PSMC3IP: variants seen among roughly 807,000 people sequenced by gnomAD.
PSMC3IP encodes the protein homologous-pairing protein 2 homolog.
In PSMC3IP, 26 loss-of-function variants were observed where a neutral mutation model predicts 34.9. The ratio of observed to expected loss-of-function variants is 0.74; its 90% CI spans 0.55 to 1.03. The LOEUF (loss-of-function observed/expected upper bound fraction) is 1.03, where lower values mean the gene tolerates loss of function less well. PSMC3IP is among the 50% of genes least tolerant of loss of function. The pLI is 0.00. For missense variants in PSMC3IP, 250 were observed against 263.1 expected, an observed-to-expected ratio of 0.95 and a Z score of 0.34; for synonymous variants, 87 against 96.5, an observed-to-expected ratio of 0.90 and a Z score of 0.57.
chr17:42,573,837 A>T (rs2093054432), intron 4 of PSMC3IP: 5 of 1,531,784 alleles, frequency 3.3e-6, no homozygotes, highest in Non-Finnish European at 4.4e-6. Flanking sequence ...AGGCGTAGCC[A>T]GTTAAAGAAG....
chr17:42,576,418 G>C (rs889653422), intron 3 of PSMC3IP, among the ~76,000 whole-genome samples: 1 of 152,184 alleles, frequency 6.6e-6, no homozygotes, highest in Non-Finnish European at 1.5e-5. Flanking sequence ...TGTTTGAAGA[G>C]CCAAGATCTG....
In PSMC3IP at chr17:42,574,186, C is replaced by T; in HGVS notation, c.250G>A (p.Ala84Thr). Residue 84 changes from alanine (A) to threonine (T), a missense_variant, in exon 4 of 8, where the codon GCT (alanine) becomes ACT (threonine). Coordinates refer to ENST00000393795, the MANE Select transcript of PSMC3IP (RefSeq NM_016556.4). ...DQDQFDMVSD[A>T]DLQVLDGKIV... The stretch of plus-strand genomic sequence containing the variant: ...TTGCCATCTAGGACTTGAAGGTCAG[C>T]ATCACTCACCATGTCAAACTGGTCC... The T allele has an allele frequency of 6.2e-7, 1 of 1,614,094 alleles. No homozygotes were observed. The highest frequency in any genetic ancestry group is 8.5e-7 in the Non-Finnish European group (1 of 1,180,000).
chr17:42,574,374 T>C, intron 3 of PSMC3IP, 164 bp from the exon 4 acceptor site: 1 of 1,465,096 alleles, frequency 6.8e-7, no homozygotes. Flanking sequence ...GAAATTGTTT[T>C]CAGTTAAGGA....
chr17:42,575,853 CA>C lies in PSMC3IP; in HGVS notation c.225+1359del, dbSNP rs971478774. On this transcript the variant is annotated intron_variant, in intron 3 of 7. Coordinates refer to ENST00000393795, the MANE Select transcript of PSMC3IP (RefSeq NM_016556.4). Reference sequence around the variant, plus strand: ...GAAACCCCATCTCTACTAAAAATACCAAAAAAAAAAAAAAAAAAAAATTAGG... The same window carrying C: ...GAAACCCCATCTCTACTAAAAATACCAAAAAAAAAAAAAAAAAAAATTAGG... Among the ~76,000 whole-genome samples the C allele has an allele frequency of 8.2e-3, 825 of 100,438 alleles. 1 individual carries two copies. The highest frequency in any genetic ancestry group is 0.018 in the Middle Eastern group (3 of 170). 65.9% of individuals were successfully genotyped at this position (100,438 alleles called of 152,430 possible).
chr17:42,577,829 T>C (rs765460330), upstream of PSMC3IP: 19 of 1,015,002 alleles, frequency 1.9e-5, no homozygotes, highest in Admixed American at 3.3e-4. Flanking sequence ...CCTCCCGGAC[T>C]CCATAGTTCA....
At position 42,577,282 on chromosome 17, in the gene PSMC3IP, C is replaced by T. The variant is rs2093081553; in HGVS notation, c.156G>A (p.Glu52=). 3.7e-6 allele frequency: 6 copies of T among 1,613,982 alleles called. 1 individual carries two copies. In the South Asian group the frequency reaches 4.4e-5, roughly 12 times the overall value. Residue 52 remains glutamate, a synonymous_variant, in exon 3 of 8, where the codon GAG becomes GAA. Coordinates refer to ENST00000393795, the MANE Select transcript of PSMC3IP (RefSeq NM_016556.4). ...TGATCTTGCCTTGTTGCGCCAGCTGCTCCAGCGTCTTCACCACCACCTGGC... is the reference window on the plus strand; with the variant it reads ...TGATCTTGCCTTGTTGCGCCAGCTGTTCCAGCGTCTTCACCACCACCTGGC... The part of the protein sequence containing the change: ...LGKAVVVKTL[E]QLAQQGKIKE...
chr17:42,572,715 C>T lies in PSMC3IP; in HGVS notation c.*253G>A, dbSNP rs537081922. ...AATATTGCCAAATGCTTTCCTTTAGCATTGTTCCAAGTCTAAATGTTAACC... is the reference window on the plus strand; with the variant it reads ...AATATTGCCAAATGCTTTCCTTTAGTATTGTTCCAAGTCTAAATGTTAACC... On this transcript the variant is annotated 3_prime_UTR_variant, in exon 8 of 8. Coordinates refer to ENST00000393795, the MANE Select transcript of PSMC3IP (RefSeq NM_016556.4). 1.7e-6 allele frequency: 1 copy of T among 599,264 alleles called. No individual in the cohort carries two copies. The highest frequency in any genetic ancestry group is 3.7e-5 in the East Asian group (1 of 26,910). The allele number at this position is 599,264 out of a possible 1,614,324, so 37.1% of individuals were successfully genotyped here.
In PSMC3IP at chr17:42,572,511, G is replaced by A. The variant is rs904354775; in HGVS notation, c.*457C>T. ...CAAAAGATACTTAAAAGGGCTCCTG[G>A]GGTACACAAGCCCAGCAGGTCCTGA... On this transcript the variant is annotated 3_prime_UTR_variant, in exon 8 of 8. Coordinates refer to ENST00000393795, the MANE Select transcript of PSMC3IP (RefSeq NM_016556.4). 2.2e-6 allele frequency: 1 copy of A among 454,252 alleles called. No individual in the cohort carries two copies. Among genetic ancestry groups the A allele is most frequent in the African/African-American group, 2.0e-5 (1 of 49,900 alleles). 28.1% of individuals were successfully genotyped at this position (454,252 alleles called of 1,614,324 possible). A position where few individuals can be genotyped will look rare whatever the true frequency, so the allele number is the denominator to read the frequency against.
chr17:42,577,130 T>C (rs2093080184), intron 3 of PSMC3IP, 83 bp downstream of exon 3: 1 of 1,601,190 alleles, frequency 6.2e-7, no homozygotes, highest in African/African-American at 1.3e-5. Flanking sequence ...ATGGGGGGCC[T>C]TGTCCCCAAA....
chr17:42,575,321 T>C (rs1041083141), intron 3 of PSMC3IP, among the ~76,000 whole-genome samples: 2 of 152,236 alleles, frequency 1.3e-5, no homozygotes, highest in Non-Finnish European at 2.9e-5. Flanking sequence ...CAAAATTTTA[T>C]TGAAACAGCC....
At chr17:42,576,278 C>CA (rs2093075089) in intron 3 of PSMC3IP, among the ~76,000 whole-genome samples, 1 of 152,068 alleles carries the variant, frequency 6.6e-6, no homozygotes, top group African/African-American at 2.4e-5. Flanking sequence ...CTGGCTGGGG[C>CA]GTCTTCCGGT....
Position 42,572,995 on chromosome 17 carries a change from A to ATCT in PSMC3IP, c.624_626dup (p.Glu208dup). On this transcript the variant is annotated inframe_insertion, in exon 8 of 8. Coordinates refer to ENST00000393795, the MANE Select transcript of PSMC3IP (RefSeq NM_016556.4). ...AGGGGTCTGGGAGTGTGACGTTGTA[A>ATCT]TCTTCATCCGTCTCTATCCCAACTT... 1 of 1,614,190 alleles carries ATCT rather than the reference A, an allele frequency of 6.2e-7. No individual in the cohort carries two copies. The highest frequency in any genetic ancestry group is 8.5e-7 in the Non-Finnish European group (1 of 1,180,038).
At chr17:42,574,539 G>A (rs1597724424) in intron 3 of PSMC3IP, among the ~76,000 whole-genome samples, 2 of 152,148 alleles carry the variant, frequency 1.3e-5, no homozygotes, top group Admixed American at 6.5e-5. Flanking sequence ...TGTTCCCACG[G>A]TGGGGAAACC....
In PSMC3IP at chr17:42,577,723, T is replaced by A. The variant is rs199620968; in HGVS notation, c.-37A>T. 2,355 of 1,613,326 alleles carry A rather than the reference T, an allele frequency of 1.5e-3. 16 individuals carry two copies. The highest frequency in any genetic ancestry group is 0.012 in the Middle Eastern group (75 of 6,040). ...CCACCCAACTCAGAAAGCCGGACGTTGTAGTTGCTCGGGGCGACGGCTCCT... is the reference window on the plus strand; with the variant it reads ...CCACCCAACTCAGAAAGCCGGACGTAGTAGTTGCTCGGGGCGACGGCTCCT... On this transcript the variant is annotated 5_prime_UTR_variant, in exon 1 of 8. Transcript: ENST00000393795.
chr17:42,576,063 G>A (rs1567914898), intron 3 of PSMC3IP, among the ~76,000 whole-genome samples: 1 of 152,104 alleles, frequency 6.6e-6, no homozygotes, highest in African/African-American at 2.4e-5. Context: ...ATAAGGGCCT[G>A]AAAAAGAAAC....
intron 3 of PSMC3IP, 42 bp from the exon 4 acceptor site, chr17:42,574,252 G>A (rs368109459): frequency 6.3e-7 from 1 of 1,595,106 alleles, no homozygotes. Context: ...CTGTTGTGAG[G>A]CACAAAGATG....
At position 42,577,123 on chromosome 17, in the gene PSMC3IP, G is replaced by A. The variant is rs2093080098; in HGVS notation, c.225+90C>T. 8 of 1,594,258 alleles carry A rather than the reference G, an allele frequency of 5.0e-6. No homozygotes were observed. The African/African-American group carries it at 1.1e-4, about 21-fold the overall frequency. On this transcript the variant is annotated intron_variant, in intron 3 of 7. Coordinates refer to ENST00000393795, the MANE Select transcript of PSMC3IP (RefSeq NM_016556.4). The stretch of plus-strand genomic sequence containing the variant: ...GCCTAAGACAGGTGAGTTTTCCATG[G>A]GGGGCCTTGTCCCCAAAGAGTTCAC...
upstream of PSMC3IP, chr17:42,577,766 G>A (rs2093086508): frequency 1.3e-6 from 2 of 1,552,184 alleles, no homozygotes; most frequent in East Asian, 4.5e-5. Context: ...ACGGGGGCGG[G>A]CCTCGAACGG....
intron 3 of PSMC3IP, among the ~76,000 whole-genome samples, chr17:42,574,830 T>C (rs1046946181): frequency 2.7e-5 from 4 of 148,910 alleles, no homozygotes; most frequent in Non-Finnish European, 4.5e-5. Flanking sequence ...CTTGGCTGAC[T>C]GCAACCTCCG....
Sources: gnomAD v4.1 joint callset for allele counts (sites outside exome capture counted in the v4.1 genomes callset) on GRCh38, gnomAD v4.1.1 for gene constraint, MANE v1.5 for transcripts, NCBI Gene and HGNC (gene_info 2026-07-23, HGNC 2026-07-21) for gene names.